The following TBC1D4 variants were observed in gnomAD, a reference collection of about 807,000 sequenced individuals.
The protein encoded by TBC1D4 is TBC1 domain family member 4.
A neutral mutation model predicts 142.5 loss-of-function variants in TBC1D4; 121 were observed. The ratio of observed to expected loss-of-function variants is 0.85; its 90% CI spans 0.73 to 0.99. The LOEUF (loss-of-function observed/expected upper bound fraction) is 0.99, where lower values mean the gene tolerates loss of function less well. Among genes scored for constraint, TBC1D4 ranks in the 50% least tolerant of loss-of-function variants. The probability of loss-of-function intolerance (pLI) is 0.00; values close to 1 mark genes in which losing one functional copy is unlikely to be tolerated. For missense variants in TBC1D4, 1,475 were observed against 1,606.6 expected, an observed-to-expected ratio of 0.92 and a Z score of 1.40; for synonymous variants, 630 against 628.2, an observed-to-expected ratio of 1.00 and a Z score of -0.04.
chr13:75,434,767 A>G (rs1356057496), intron 1 of TBC1D4, among the ~76,000 whole-genome samples: 1 of 152,066 alleles, frequency 6.6e-6, no homozygotes. Flanking sequence ...AAAATCTGTA[A>G]AACAAAAAAG....
At chr13:75,426,885 C>CAA (rs56281309) in intron 1 of TBC1D4, among the ~76,000 whole-genome samples, 1,553 of 137,924 alleles carry the variant, frequency 0.011, 19 homozygotes, top group African/African-American at 0.022. Context: ...GGAAAAAATA[C>CAA]AAAAAAAAAA....
At chr13:75,405,699 T>G (rs757492650) in intron 1 of TBC1D4, among the ~76,000 whole-genome samples, 1 of 152,198 alleles carries the variant, frequency 6.6e-6, no homozygotes, top group African/African-American at 2.4e-5. Context: ...AACTTTACCA[T>G]GATCATCTTT....
At chr13:75,399,456 G>A (rs1884967344) in intron 1 of TBC1D4, among the ~76,000 whole-genome samples, 1 of 152,026 alleles carries the variant, frequency 6.6e-6, no homozygotes, top group South Asian at 2.1e-4. Flanking sequence ...TTTTATATAT[G>A]GGGGGCTGGG....
At chr13:75,415,140 A>AG in intron 1 of TBC1D4, among the ~76,000 whole-genome samples, 1 of 151,290 alleles carries the variant, frequency 6.6e-6, no homozygotes, top group African/African-American at 2.4e-5. Context: ...AAAAAAAAAA[A>AG]AGTAAAGTAT....
chr13:75,332,900 C>T (rs563807441), intron 8 of TBC1D4, among the ~76,000 whole-genome samples: 6 of 152,326 alleles, frequency 3.9e-5, no homozygotes, highest in Admixed American at 6.5e-5. Flanking sequence ...TCAGAAGTTA[C>T]TGTGTCCTAA....
chr13:75,292,738 C>A (rs932533908), intron 18 of TBC1D4, among the ~76,000 whole-genome samples: 5 of 142,184 alleles, frequency 3.5e-5, no homozygotes, highest in African/African-American at 1.1e-4. Flanking sequence ...AAAAAAAAAA[C>A]ATTAACAGAA....
intron 6 of TBC1D4, 86 bp from the exon 7 acceptor site, chr13:75,341,321 T>C (rs1354323421): frequency 1.7e-5 from 24 of 1,406,716 alleles, no homozygotes; most frequent in Non-Finnish European, 2.3e-5. Context: ...TAAATAAAGC[T>C]AAGAGTTTTA....
intron 7 of TBC1D4, among the ~76,000 whole-genome samples, chr13:75,340,669 G>A (rs1031799851): frequency 2.0e-5 from 3 of 152,096 alleles, no homozygotes; most frequent in African/African-American, 2.4e-5. Context: ...TAAAATGGCC[G>A]GGTGCAGTGG....
chr13:75,313,023 G>T, intron 12 of TBC1D4, 125 bp from the exon 13 acceptor site: 1 of 1,038,298 alleles, frequency 9.6e-7, no homozygotes, highest in South Asian at 1.3e-5. Context: ...CAGGCAACAT[G>T]GAGCAATGCA....
chr13:75,290,546 A>G (rs1291147841), intron 19 of TBC1D4, among the ~76,000 whole-genome samples: 1 of 152,190 alleles, frequency 6.6e-6, no homozygotes, highest in Non-Finnish European at 1.5e-5. Context: ...GTCAAGAAAG[A>G]TATTTCTGAA....
intron 16 of TBC1D4, among the ~76,000 whole-genome samples, chr13:75,301,826 T>C (rs1876592215): frequency 6.6e-6 from 1 of 152,156 alleles, no homozygotes; most frequent in Non-Finnish European, 1.5e-5. Context: ...TAAAGGATTG[T>C]TTTCAGCAGT....
chr13:75,478,329 C>A (rs376503028), intron 1 of TBC1D4, among the ~76,000 whole-genome samples: 1 of 152,062 alleles, frequency 6.6e-6, no homozygotes, highest in Non-Finnish European at 1.5e-5. Flanking sequence ...CCCCTTTTGA[C>A]AATAAAATTG....
chr13:75,410,482 A>C (rs1369763312), intron 1 of TBC1D4, among the ~76,000 whole-genome samples: 1 of 152,166 alleles, frequency 6.6e-6, no homozygotes, highest in Admixed American at 6.5e-5. Context: ...TCAAACTATA[A>C]ATAAACTCCA....
At chr13:75,406,525 A>C (rs1005802131) in intron 1 of TBC1D4, among the ~76,000 whole-genome samples, 1 of 152,210 alleles carries the variant, frequency 6.6e-6, no homozygotes, top group Non-Finnish European at 1.5e-5. Flanking sequence ...CAGAGCACCA[A>C]GCAAATGAAA....
At position 75,362,086 on chromosome 13, in the gene TBC1D4, C is replaced by T; in HGVS notation, c.1020G>A (p.Ala340=). The change falls in exon 2 of 21, where the codon GCG becomes GCA. Residue 340 remains alanine (A), a synonymous_variant. Transcript: ENST00000377636. The surrounding 1 kb of genome is among the most constrained non-coding windows in gnomAD (Gnocchi z 4.2). ...SQKSQPRRRH[A]SAPSHVQPSD... ...AGGGCTGGACGTGACTGGGTGCGCTCGCGTGTCTCCGTCGCGGCTGGGATT... is the reference window on the plus strand; with the variant it reads ...AGGGCTGGACGTGACTGGGTGCGCTTGCGTGTCTCCGTCGCGGCTGGGATT... 1.2e-6 allele frequency: 2 copies of T among 1,614,100 alleles called. No individual in the cohort carries two copies. Among genetic ancestry groups the T allele is most frequent in the Non-Finnish European group, 1.7e-6 (2 of 1,180,030 alleles).
chr13:75,298,818 T>C (rs1876220642), intron 17 of TBC1D4, among the ~76,000 whole-genome samples: 1 of 151,996 alleles, frequency 6.6e-6, no homozygotes, highest in Non-Finnish European at 1.5e-5. Context: ...GCTTTCACAC[T>C]TTTTCCTCTG....
chr13:75,455,434 C>T (rs1566502847), intron 1 of TBC1D4, among the ~76,000 whole-genome samples: 1 of 151,962 alleles, frequency 6.6e-6, no homozygotes, highest in East Asian at 1.9e-4. Flanking sequence ...AAAAGTCTTA[C>T]AGGACACAAA....
rs144067242 is a variant in TBC1D4 at position 75,316,123 on chromosome 13, A to G, written c.2223-3225T>C. Among the ~76,000 whole-genome samples the G allele has an allele frequency of 5.3e-5, 8 of 152,346 alleles. No homozygotes were observed. The East Asian group carries it at 1.3e-3, about 26-fold the overall frequency. Reference sequence around the variant, plus strand: ...GAGGACTCCGAAATGTTTATATTTTAATGCTGGAATTAAAACAGCTTTTAA... The same window carrying G: ...GAGGACTCCGAAATGTTTATATTTTGATGCTGGAATTAAAACAGCTTTTAA... On this transcript the variant is annotated intron_variant, in intron 12 of 20. Transcript: ENST00000377636.
chr13:75,433,990 T>C (rs763053055), intron 1 of TBC1D4, among the ~76,000 whole-genome samples: 9 of 152,176 alleles, frequency 5.9e-5, no homozygotes, highest in Non-Finnish European at 1.0e-4. Context: ...AGAATGGCTA[T>C]TACTAAAAGT....
Sources: gnomAD v4.1 joint callset for allele counts (sites outside exome capture counted in the v4.1 genomes callset) on GRCh38, gnomAD v4.1.1 for gene constraint, Gnocchi (gnomAD v3.1) non-coding constraint, MANE v1.5 for transcripts, NCBI Gene and HGNC (gene_info 2026-07-23, HGNC 2026-07-21) for gene names.